Variants in DIP2A observed in about 807,000 individuals in gnomAD.
The protein encoded by DIP2A is disco-interacting protein 2 homolog A.
DIP2A carries 85 observed loss-of-function variants against 177.4 expected under a neutral mutation model. The ratio of observed to expected loss-of-function variants is 0.48; its 90% CI spans 0.40 to 0.57. The LOEUF (loss-of-function observed/expected upper bound fraction) is 0.57. Among genes scored for constraint, DIP2A ranks in the 20% least tolerant of loss-of-function variants. The probability of loss-of-function intolerance (pLI) is 0.00; values close to 1 mark genes in which losing one functional copy is unlikely to be tolerated. For missense variants in DIP2A, 1,791 were observed against 2,100.2 expected, an observed-to-expected ratio of 0.85 and a Z score of 2.88; for synonymous variants, 886 against 881.8, an observed-to-expected ratio of 1.00 and a Z score of -0.08.
intron 7 of DIP2A, 96 bp from the exon 8 acceptor site, chr21:46,511,321 A>G (rs1016987975): frequency 7.9e-7 from 1 of 1,263,876 alleles, no homozygotes; most frequent in African/African-American, 1.5e-5. Context: ...TATAGTTGGG[A>G]TTAAAAAACA....
At chr21:46,477,254 T>C (rs1281488453) in intron 1 of DIP2A, among the ~76,000 whole-genome samples, 1 of 152,060 alleles carries the variant, frequency 6.6e-6, no homozygotes, top group Admixed American at 6.6e-5. Context: ...TTTATACGTA[T>C]ATATTTTTAT....
At chr21:46,488,202 C>A (rs539312191) in intron 2 of DIP2A, among the ~76,000 whole-genome samples, 65 of 152,144 alleles carry the variant, frequency 4.3e-4, no homozygotes, top group Non-Finnish European at 7.1e-4. Context: ...CTTCTGCAGG[C>A]AAGAACCCTC....
At chr21:46,531,330 A>G (rs1254034957) in intron 9 of DIP2A, among the ~76,000 whole-genome samples, 2 of 152,156 alleles carry the variant, frequency 1.3e-5, no homozygotes, top group African/African-American at 4.8e-5. Context: ...GACCCAGCTG[A>G]GGGAGTATTT....
At chr21:46,482,004 G>A (rs2056374440) in intron 1 of DIP2A, among the ~76,000 whole-genome samples, 2 of 152,154 alleles carry the variant, frequency 1.3e-5, no homozygotes, top group South Asian at 2.1e-4. Flanking sequence ...TGAGCCAGTT[G>A]TGCCACTGCA....
At chr21:46,507,425 A>G (rs1380612889) in intron 6 of DIP2A, among the ~76,000 whole-genome samples, 1 of 152,194 alleles carries the variant, frequency 6.6e-6, no homozygotes, top group African/African-American at 2.4e-5. Context: ...ACATTTTTGT[A>G]TGTGGGTATT....
intron 6 of DIP2A, among the ~76,000 whole-genome samples, chr21:46,505,496 C>G (rs2057929502): frequency 6.6e-6 from 1 of 152,108 alleles, no homozygotes; most frequent in Non-Finnish European, 1.5e-5. Flanking sequence ...ATAGTCCCAG[C>G]TACTCGGGAG....
chr21:46,525,334 G>A (rs2059027952), intron 8 of DIP2A, among the ~76,000 whole-genome samples: 1 of 152,184 alleles, frequency 6.6e-6, no homozygotes, highest in African/African-American at 2.4e-5. Context: ...AATGGTGTGG[G>A]ACTGGGTTCC....
At position 46,544,324 on chromosome 21, in the gene DIP2A, G is replaced by A. The variant is rs190394348; in HGVS notation, c.2177-813G>A. On this transcript the variant is annotated intron_variant, in intron 18 of 37. Coordinates refer to ENST00000417564, the MANE Select transcript of DIP2A (RefSeq NM_015151.4). The stretch of plus-strand genomic sequence containing the variant: ...CATGTACAAATTGGCCCCCAAATGC[G>A]GAAAGGCCGAGAAATTGAAGAACGA... 2.2e-3 allele frequency among the ~76,000 whole-genome samples: 341 copies of A among 152,270 alleles called. 1 individual carries two copies. The highest frequency in any genetic ancestry group is 6.5e-3 in the Admixed American group (99 of 15,300).
At chr21:46,575,015 G>A (rs930860509), downstream of DIP2A, among the ~76,000 whole-genome samples, 3 of 152,114 alleles carry the variant, frequency 2.0e-5, no homozygotes, top group East Asian at 5.8e-4. Context: ...GAACATTGAT[G>A]TAAAAATCCT....
At position 46,565,747 on chromosome 21, in the gene DIP2A, A is replaced by C. The variant is rs773767792; in HGVS notation, c.4199A>C (p.Tyr1400Ser). The change falls in exon 36 of 38, where the codon TAC becomes TCC. Residue 1400 changes from tyrosine (Y) to serine (S), a missense_variant. By Grantham distance (144) the Tyr-to-Ser change is moderately radical. Transcript: ENST00000417564. ...AGCAGCCCCCACAATGCCACCGGGT[A>C]CTACACCGTTTACGGGGAGGAGGCG... ...WVSSPHNATGYYTVYGEEALH... is the reference protein window; with the variant it reads ...WVSSPHNATGSYTVYGEEALH... 6.2e-7 allele frequency: 1 copy of C among 1,612,064 alleles called. No homozygotes were observed. Among genetic ancestry groups the C allele is most frequent in the Non-Finnish European group, 8.5e-7 (1 of 1,179,186 alleles).
In DIP2A at chr21:46,537,974, A is replaced by T. The variant is rs78518603; in HGVS notation, c.1801+435A>T. Among the ~76,000 whole-genome samples, 956 of 152,020 alleles carry T rather than the reference A, an allele frequency of 6.3e-3. 20 individuals carry two copies. The highest frequency in any genetic ancestry group is 0.022 in the African/African-American group (929 of 41,442). ...CCTACTGGGCTGTGCCCCTCTAGAC[A>T]TGTCTCAGAGCAGTGTGGAGGGGCA... On this transcript the variant is annotated intron_variant, in intron 15 of 37. Transcript: ENST00000417564. The surrounding 1 kb of genome is among the most constrained non-coding windows in gnomAD (Gnocchi z 4.1).
At chr21:46,558,476 T>C (rs1286879887) in intron 32 of DIP2A, 83 bp downstream of exon 32, 6 of 1,388,786 alleles carry the variant, frequency 4.3e-6, no homozygotes, top group Admixed American at 2.0e-5. Flanking sequence ...ATGTGCCGTT[T>C]TGTAGCCGCC....
At chr21:46,504,147 C>T (rs749430513) in intron 5 of DIP2A, among the ~76,000 whole-genome samples, 3 of 152,200 alleles carry the variant, frequency 2.0e-5, no homozygotes, top group African/African-American at 7.2e-5. Flanking sequence ...ATTGAGCCAC[C>T]CACATGCACG....
intron 36 of DIP2A, 22 bp from the exon 37 acceptor site, chr21:46,566,538 T>A (rs1006203342): frequency 1.2e-6 from 2 of 1,613,826 alleles, no homozygotes; most frequent in African/African-American, 1.3e-5. Flanking sequence ...TCTGGGCACG[T>A]GTAAACACAC....
intron 3 of DIP2A, among the ~76,000 whole-genome samples, chr21:46,494,377 A>G (rs2057189590): frequency 6.6e-6 from 1 of 152,234 alleles, no homozygotes; most frequent in Non-Finnish European, 1.5e-5. Context: ...GCTGTTTACA[A>G]GACTGTCATG....
intron 6 of DIP2A, among the ~76,000 whole-genome samples, chr21:46,505,575 C>G (rs1322435569): frequency 6.6e-6 from 1 of 152,186 alleles, no homozygotes; most frequent in Non-Finnish European, 1.5e-5. Flanking sequence ...TGTCACTTCA[C>G]TCCAGCCTGG....
intron 8 of DIP2A, among the ~76,000 whole-genome samples, chr21:46,521,260 C>T (rs1245933211): frequency 1.3e-5 from 2 of 152,130 alleles, no homozygotes; most frequent in Non-Finnish European, 2.9e-5. Context: ...GTGATCTCGG[C>T]TCACTGCAAC....
At chr21:46,490,894 C>T (rs910271087) in intron 3 of DIP2A, among the ~76,000 whole-genome samples, 175 bp downstream of exon 3, 5 of 152,126 alleles carry the variant, frequency 3.3e-5, no homozygotes, top group African/African-American at 9.7e-5. Context: ...TTAACCTTCA[C>T]GTAACCACAG....
In DIP2A at chr21:46,567,741, C is replaced by T. The variant is rs1166173794; in HGVS notation, c.*119C>T. On this transcript the variant is annotated 3_prime_UTR_variant, in exon 38 of 38. Transcript: ENST00000417564. The stretch of plus-strand genomic sequence containing the variant: ...TCGCCCTTCCTGTGCTCTTACAGAT[C>T]CCTCTCAACAATCCCCGCATCTCCT... 3.2e-6 allele frequency: 4 copies of T among 1,242,686 alleles called. No homozygotes were observed. The Admixed American group carries it at 1.0e-4, about 32-fold the overall frequency. 77.0% of individuals were successfully genotyped at this position (1,242,686 alleles called of 1,614,324 possible).
Sources: gnomAD v4.1 joint callset for allele counts (sites outside exome capture counted in the v4.1 genomes callset) on GRCh38, gnomAD v4.1.1 for gene constraint, Gnocchi (gnomAD v3.1) non-coding constraint, MANE v1.5 for transcripts, NCBI Gene and HGNC (gene_info 2026-07-23, HGNC 2026-07-21) for gene names.